The following FAM227B variants were observed in gnomAD, a reference collection of about 807,000 sequenced individuals.
FAM227B encodes the protein protein FAM227B.
Under a neutral mutation model 73.8 loss-of-function variants are expected in FAM227B, and 88 were observed. The ratio of observed to expected loss-of-function variants is 1.19; its 90% CI spans 1.00 to 1.42. The LOEUF (loss-of-function observed/expected upper bound fraction) is 1.42, where lower values mean the gene tolerates loss of function less well. Among genes scored for constraint, FAM227B ranks in the 40% most tolerant of loss-of-function variants. The pLI is 0.00. For missense variants in FAM227B, 632 were observed against 590.9 expected, an observed-to-expected ratio of 1.07 and a Z score of -0.72; for synonymous variants, 210 against 190.5, an observed-to-expected ratio of 1.10 and a Z score of -0.84.
At chr15:49,355,450 C>G (rs2042985535) in intron 13 of FAM227B, among the ~76,000 whole-genome samples, 2 of 152,040 alleles carry the variant, frequency 1.3e-5, no homozygotes, top group African/African-American at 4.8e-5. Flanking sequence ...AATGCAGAAG[C>G]CTCAGGAGCC....
intron 11 of FAM227B, among the ~76,000 whole-genome samples, chr15:49,406,857 G>A (rs1186618242): frequency 2.0e-5 from 3 of 152,080 alleles, no homozygotes; most frequent in Admixed American, 6.5e-5. Context: ...GGCTGGCCAT[G>A]GGGACTGCCC....
chr15:49,618,462 T>TTAA (rs2078438701), intron 1 of FAM227B, among the ~76,000 whole-genome samples: 1 of 152,240 alleles, frequency 6.6e-6, no homozygotes, highest in Non-Finnish European at 1.5e-5. Context: ...ACATTAAAAA[T>TTAA]GGCAGTTAAG....
At chr15:49,600,071 C>G (rs1286004008) in intron 3 of FAM227B, among the ~76,000 whole-genome samples, 1 of 152,036 alleles carries the variant, frequency 6.6e-6, no homozygotes, top group East Asian at 1.9e-4. Context: ...ATATTTGCTT[C>G]ATATATTTAG....
intron 11 of FAM227B, among the ~76,000 whole-genome samples, chr15:49,434,941 G>A (rs2050959705): frequency 6.6e-6 from 1 of 151,174 alleles, no homozygotes; most frequent in African/African-American, 2.4e-5. Flanking sequence ...TAATTCAATT[G>A]GAATAATATA....
At chr15:49,464,762 T>C (rs1316060415) in intron 11 of FAM227B, among the ~76,000 whole-genome samples, 1 of 152,126 alleles carries the variant, frequency 6.6e-6, no homozygotes, top group Non-Finnish European at 1.5e-5. Flanking sequence ...ACAGAACACA[T>C]AGTATCTCCG....
chr15:49,483,838 G>A (rs924531879), intron 11 of FAM227B, among the ~76,000 whole-genome samples: 1 of 152,030 alleles, frequency 6.6e-6, no homozygotes, highest in African/African-American at 2.4e-5. Flanking sequence ...TGGTTGCATG[G>A]ATGAACAAAC....
chr15:49,344,416 T>C (rs1452789899), intron 13 of FAM227B, among the ~76,000 whole-genome samples: 1 of 152,214 alleles, frequency 6.6e-6, no homozygotes, highest in African/African-American at 2.4e-5. Context: ...TGTACATACC[T>C]AAGGTGCTCT....
At chr15:49,571,338 G>A (rs185253197) in intron 8 of FAM227B, among the ~76,000 whole-genome samples, 18 of 151,854 alleles carry the variant, frequency 1.2e-4, no homozygotes, top group Admixed American at 2.0e-4. Context: ...GCTTTGCTCT[G>A]CTGAAGCTTT....
chr15:49,612,315 T>A (rs2077990507), intron 2 of FAM227B, among the ~76,000 whole-genome samples: 1 of 152,176 alleles, frequency 6.6e-6, no homozygotes, highest in Non-Finnish European at 1.5e-5. Context: ...ATTGTTCAAT[T>A]CCCACCTATG....
At chr15:49,366,108 C>T (rs1025353628) in intron 13 of FAM227B, 54 of 940,154 alleles carry the variant, frequency 5.7e-5, no homozygotes, top group Non-Finnish European at 8.5e-5. Flanking sequence ...TCCAATTCAA[C>T]TAGTCCACTC....
intron 11 of FAM227B, among the ~76,000 whole-genome samples, chr15:49,401,193 C>A (rs1420757303): frequency 6.6e-6 from 1 of 152,190 alleles, no homozygotes; most frequent in Non-Finnish European, 1.5e-5. Context: ...GGGCGAAGGA[C>A]ATGAACAGAC....
At chr15:49,356,106 G>T (rs995273742) in intron 13 of FAM227B, among the ~76,000 whole-genome samples, 2 of 152,084 alleles carry the variant, frequency 1.3e-5, no homozygotes, top group Non-Finnish European at 2.9e-5. Context: ...AACATGGAAA[G>T]GAACAACCGG....
intron 11 of FAM227B, among the ~76,000 whole-genome samples, chr15:49,495,280 A>G (rs574822750): frequency 1.3e-5 from 2 of 152,328 alleles, no homozygotes; most frequent in South Asian, 4.1e-4. Flanking sequence ...GCATCAAAGC[A>G]AAAGGAGAGA....
intron 9 of FAM227B, among the ~76,000 whole-genome samples, chr15:49,548,894 T>C (rs1335907610): frequency 6.6e-6 from 1 of 152,312 alleles, no homozygotes; most frequent in South Asian, 2.1e-4. Context: ...TTGTATCTTG[T>C]CTTTTTTACT....
At chr15:49,536,882 G>A (rs1180711521) in intron 10 of FAM227B, among the ~76,000 whole-genome samples, 1 of 151,874 alleles carries the variant, frequency 6.6e-6, no homozygotes, top group South Asian at 2.1e-4. Context: ...GGATGAAATG[G>A]ACCCTTATTT....
intron 13 of FAM227B, among the ~76,000 whole-genome samples, chr15:49,360,704 A>G (rs190694846): frequency 6.6e-6 from 1 of 152,312 alleles, no homozygotes; most frequent in East Asian, 1.9e-4. Flanking sequence ...TCATAATTCA[A>G]ATATCAAGTG....
In FAM227B at chr15:49,552,459, A is replaced by G. The variant is rs540618471; in HGVS notation, c.748-10653T>C. 3.9e-5 allele frequency among the ~76,000 whole-genome samples: 6 copies of G among 152,196 alleles called. No individual in the cohort carries two copies. The East Asian group carries it at 9.7e-4, about 25-fold the overall frequency. On this transcript the variant is annotated intron_variant, in intron 9 of 15. Transcript: ENST00000299338. ...AGTCTGATTATTAAACATCTTAAGT[A>G]ATCTTTGGGTTAAACCTGCTTAGTG...
chr15:49,553,288 CTCTT>C (rs1462303854), intron 9 of FAM227B, among the ~76,000 whole-genome samples: 7 of 152,196 alleles, frequency 4.6e-5, no homozygotes, highest in Admixed American at 4.6e-4. Context: ...TACAGAATCT[CTCTT>C]TCTGTTCTGA....
chr15:49,619,664 A>G (rs181381816), intron 1 of FAM227B, among the ~76,000 whole-genome samples: 1 of 152,340 alleles, frequency 6.6e-6, no homozygotes, highest in East Asian at 1.9e-4. Context: ...ATAGCAACCC[A>G]ATGCTCAATC....
Sources: allele counts gnomAD v4.1 joint callset (sites outside exome capture counted in the v4.1 genomes callset), GRCh38; gene constraint gnomAD v4.1.1; transcripts MANE v1.5; gene names NCBI Gene and HGNC (gene_info 2026-07-23, HGNC 2026-07-21).